LRP1B: variants seen among roughly 807,000 people sequenced by gnomAD.
The protein encoded by LRP1B is LDL receptor related protein 1B, also known as low-density lipoprotein receptor-related protein 1B.
A neutral mutation model predicts 556.6 loss-of-function variants in LRP1B; 217 were observed. That is an observed-to-expected ratio of 0.39 (90% CI 0.35 to 0.44). The LOEUF is 0.44. Ranked by LOEUF, LRP1B falls within the 20% of genes least tolerant of loss-of-function variation. The pLI, the probability that LRP1B is intolerant of heterozygous loss-of-function variation, is 1.00. For synonymous variants in LRP1B, 2,047 were observed against 1,865.8 expected, an observed-to-expected ratio of 1.10 and a Z score of -2.50; for missense variants, 5,053 against 5,620.8, an observed-to-expected ratio of 0.90 and a Z score of 3.23.
chr2:141,766,556 A>G (rs750621285), intron 2 of LRP1B, among the ~76,000 whole-genome samples: 11 of 152,196 alleles, frequency 7.2e-5, no homozygotes, highest in Non-Finnish European at 1.5e-4. Flanking sequence ...AAATGATAGC[A>G]GTCTTTCAGT....
At chr2:142,058,224 G>A (rs1205103814) in intron 1 of LRP1B, among the ~76,000 whole-genome samples, 5 of 152,114 alleles carry the variant, frequency 3.3e-5, no homozygotes, top group African/African-American at 4.8e-5. Flanking sequence ...CCCCACTGAT[G>A]AAGACAAGAT....
At chr2:141,595,917 T>G (rs1375031295) in intron 2 of LRP1B, among the ~76,000 whole-genome samples, 1 of 152,054 alleles carries the variant, frequency 6.6e-6, no homozygotes, top group African/African-American at 2.4e-5. Flanking sequence ...AAAGATACAT[T>G]AATTAGAGTG....
rs146117068 is a variant in LRP1B, at chr2:141,013,739, A to G, written c.2197T>C (p.Tyr733His). 6.4e-7 allele frequency: 1 copy of G among 1,561,040 alleles called. No individual in the cohort carries two copies. Among genetic ancestry groups the G allele is most frequent in the African/African-American group, 1.4e-5 (1 of 72,260 alleles). The change falls in exon 14 of 91, where the codon TAC (tyrosine) becomes CAC (histidine). Residue 733 changes from tyrosine (Y) to histidine (H), a missense_variant. By Grantham distance (83) the Tyr-to-His change is moderately conservative. Transcript: ENST00000389484. ...GGGTGGTTCAACTCTCTCCCACTGT[A>G]AACAATCTGTAAAATATAAACACAT... ...FLNGTHRKIV[Y>H]SGRELNHPFG...
At chr2:141,004,375 C>T (rs898137306) in intron 15 of LRP1B, among the ~76,000 whole-genome samples, 3 of 152,002 alleles carry the variant, frequency 2.0e-5, no homozygotes, top group Non-Finnish European at 4.4e-5. Context: ...AAAGGCTGAA[C>T]CTGTCACAGG....
intron 21 of LRP1B, among the ~76,000 whole-genome samples, chr2:140,909,897 A>T (rs996849015): frequency 1.3e-5 from 2 of 151,188 alleles, no homozygotes; most frequent in African/African-American, 4.8e-5. Context: ...ATGTACAAGA[A>T]CTATACAACA....
chr2:142,051,706 A>T (rs1213289573), intron 1 of LRP1B, among the ~76,000 whole-genome samples: 2 of 151,874 alleles, frequency 1.3e-5, no homozygotes, highest in African/African-American at 4.8e-5. Context: ...CGAACTCTTG[A>T]CCTTGTGATC....
intron 86 of LRP1B, among the ~76,000 whole-genome samples, chr2:140,264,534 G>A (rs903639986): frequency 2.0e-4 from 30 of 152,152 alleles, no homozygotes; most frequent in Middle Eastern, 3.4e-3. Flanking sequence ...GATTACAGGC[G>A]TGAGCCACCA....
intron 66 of LRP1B, among the ~76,000 whole-genome samples, chr2:140,395,586 A>G (rs1430379372): frequency 6.6e-6 from 1 of 152,194 alleles, no homozygotes; most frequent in Admixed American, 6.6e-5. Context: ...GTGAGAGCCA[A>G]CCACTTCTGT....
intron 2 of LRP1B, among the ~76,000 whole-genome samples, chr2:141,582,027 T>C (rs1007366816): frequency 2.6e-5 from 4 of 152,200 alleles, no homozygotes; most frequent in African/African-American, 9.7e-5. Context: ...GTCAAATATA[T>C]GAACGACCTT....
intron 41 of LRP1B, among the ~76,000 whole-genome samples, chr2:140,662,821 T>A (rs998275032): frequency 4.6e-5 from 7 of 152,138 alleles, no homozygotes; most frequent in African/African-American, 1.7e-4. Context: ...GACAGAAATT[T>A]AAAATTTTTT....
intron 60 of LRP1B, among the ~76,000 whole-genome samples, chr2:140,463,745 G>C (rs1296244016): frequency 6.6e-6 from 1 of 152,194 alleles, no homozygotes; most frequent in Non-Finnish European, 1.5e-5. Context: ...TCACAGTGCA[G>C]GAAGATCAGA....
At chr2:141,648,372 C>A (rs1689660855) in intron 2 of LRP1B, among the ~76,000 whole-genome samples, 1 of 152,050 alleles carries the variant, frequency 6.6e-6, no homozygotes, top group Non-Finnish European at 1.5e-5. Flanking sequence ...ATCCTTCATT[C>A]CCATCTCTCT....
At position 140,934,497 on chromosome 2, in the gene LRP1B, T is replaced by A. The variant is rs2105276434; in HGVS notation, c.3137-11350A>T. On this transcript the variant is annotated intron_variant, in intron 20 of 90. Coordinates refer to ENST00000389484, the MANE Select transcript of LRP1B (RefSeq NM_018557.3). ...CTGAAGTCTACTGAACCCTTGCAAC[T>A]TCCAGGGTAAGCCTTAGATGGTAAA... is the stretch of plus-strand genomic sequence containing the variant. 2.0e-5 allele frequency among the ~76,000 whole-genome samples: 3 copies of A among 152,274 alleles called. No homozygotes were observed. The Middle Eastern group carries it at 0.01, about 518-fold the overall frequency.
intron 6 of LRP1B, among the ~76,000 whole-genome samples, chr2:141,218,849 A>G (rs1682924305): frequency 6.6e-6 from 1 of 152,152 alleles, no homozygotes; most frequent in African/African-American, 2.4e-5. Context: ...ACTGAGAAGA[A>G]CAAAAACAGT....
At chr2:141,706,286 G>T (rs920435433) in intron 2 of LRP1B, among the ~76,000 whole-genome samples, 1 of 152,030 alleles carries the variant, frequency 6.6e-6, no homozygotes, top group Non-Finnish European at 1.5e-5. Context: ...TGATTGGATT[G>T]TCTTCTCCGC....
At chr2:140,933,285 T>C (rs540031225) in intron 20 of LRP1B, among the ~76,000 whole-genome samples, 1 of 152,230 alleles carries the variant, frequency 6.6e-6, no homozygotes, top group African/African-American at 2.4e-5. Flanking sequence ...GGAAGCTAAA[T>C]ACCAACTACT....
intron 1 of LRP1B, among the ~76,000 whole-genome samples, chr2:142,123,461 A>C (rs1399685573): frequency 6.6e-6 from 1 of 151,994 alleles, no homozygotes; most frequent in African/African-American, 2.4e-5. Flanking sequence ...TACCTAAAGA[A>C]GAAACATATT....
At chr2:141,958,192 C>T (rs1701311177) in intron 1 of LRP1B, among the ~76,000 whole-genome samples, 2 of 152,036 alleles carry the variant, frequency 1.3e-5, no homozygotes, top group African/African-American at 2.4e-5. Flanking sequence ...GTAAACAAAA[C>T]TACTTGCACA....
chr2:141,372,207 T>A (rs1343879135), intron 3 of LRP1B, among the ~76,000 whole-genome samples: 2 of 152,154 alleles, frequency 1.3e-5, no homozygotes, highest in Non-Finnish European at 2.9e-5. Context: ...ATATATTGAA[T>A]CATCCTTGCA....
Sources: allele counts gnomAD v4.1 joint callset (sites outside exome capture counted in the v4.1 genomes callset), GRCh38; gene constraint gnomAD v4.1.1; transcripts MANE v1.5; gene names NCBI Gene and HGNC (gene_info 2026-07-23, HGNC 2026-07-21).